The following ESRRG variants were observed in gnomAD, a reference collection of about 807,000 sequenced individuals.
ESRRG encodes the protein estrogen related receptor gamma.
In ESRRG, 13 loss-of-function variants were observed where a neutral mutation model predicts 44.0. The ratio of observed to expected loss-of-function variants is 0.30; its 90% CI spans 0.19 to 0.47. The LOEUF is 0.47. Among genes scored for constraint, ESRRG ranks in the 20% least tolerant of loss-of-function variants. The probability of loss-of-function intolerance (pLI) is 1.00; values close to 1 mark genes in which losing one functional copy is unlikely to be tolerated. For missense variants in ESRRG, 395 were observed against 580.6 expected (o/e 0.68, Z 3.29); for synonymous variants, 215 against 214.6 (o/e 1.00, Z -0.02).
At chr1:216,814,510 C>CATT (rs575264326) in intron 2 of ESRRG, among the ~76,000 whole-genome samples, 1 of 152,206 alleles carries the variant, frequency 6.6e-6, no homozygotes, top group South Asian at 2.1e-4. Flanking sequence ...AGACACAACT[C>CATT]ATTATTAATA....
In ESRRG at chr1:216,564,310, G is replaced by C. The variant is rs966328648; in HGVS notation, c.771C>G (p.Val257=). Residue 257 remains valine, a synonymous_variant, in exon 5 of 7, where the codon GTC becomes GTG. Transcript: ENST00000408911. Reference sequence around the variant, plus strand: ...TGAGGGCTTTGATGTCACTGTCGGGGACAGTAGGGTCAGGCATGGCATAGA... The same window carrying C: ...TGAGGGCTTTGATGTCACTGTCGGGCACAGTAGGGTCAGGCATGGCATAGA... The part of the protein sequence containing the change: ...EKIYAMPDPT[V]PDSDIKALTT... The C allele has an allele frequency of 9.9e-6, 16 of 1,611,984 alleles. No individual in the cohort carries two copies. The highest frequency in any genetic ancestry group is 1.7e-4 in the Middle Eastern group (1 of 6,048).
chr1:216,634,092 C>T (rs993576803), intron 3 of ESRRG, among the ~76,000 whole-genome samples: 3 of 152,164 alleles, frequency 2.0e-5, no homozygotes, highest in Non-Finnish European at 4.4e-5. Context: ...AAATTCACCT[C>T]ATAGATCTAC....
chr1:216,733,757 G>A (rs2089319237), intron 2 of ESRRG, among the ~76,000 whole-genome samples: 2 of 152,038 alleles, frequency 1.3e-5, no homozygotes, highest in African/African-American at 2.4e-5. Context: ...CTGGGAGCCT[G>A]AGGGGGGCGG....
intron 1 of ESRRG, among the ~76,000 whole-genome samples, chr1:217,085,397 C>T (rs1002323214): frequency 1.3e-5 from 2 of 151,034 alleles, no homozygotes; most frequent in Non-Finnish European, 2.9e-5. Context: ...CCAATACAAA[C>T]GTCGTATTAT....
At chr1:216,989,404 T>C (rs1254687735) in intron 1 of ESRRG, among the ~76,000 whole-genome samples, 3 of 141,832 alleles carry the variant, frequency 2.1e-5, no homozygotes, top group Non-Finnish European at 4.5e-5. Flanking sequence ...CTGCACTCTG[T>C]CTGCATGGTA....
At chr1:216,769,017 A>T (rs1000634754) in intron 2 of ESRRG, among the ~76,000 whole-genome samples, 1 of 152,110 alleles carries the variant, frequency 6.6e-6, no homozygotes, top group East Asian at 1.9e-4. Context: ...CAAATGCCTA[A>T]TGTATGTTAT....
At chr1:216,597,823 A>T (rs990475244) in intron 3 of ESRRG, among the ~76,000 whole-genome samples, 9 of 152,224 alleles carry the variant, frequency 5.9e-5, no homozygotes, top group Admixed American at 2.0e-4. Context: ...TGATGGATTT[A>T]AGGAGTGACG....
At chr1:216,629,357 A>G (rs1393139995) in intron 3 of ESRRG, among the ~76,000 whole-genome samples, 1 of 152,230 alleles carries the variant, frequency 6.6e-6, no homozygotes, top group East Asian at 1.9e-4. Flanking sequence ...TCTTAAGCAT[A>G]AAGTATAAAA....
At chr1:216,699,429 G>A (rs145003039) in intron 1 of ESRRG, among the ~76,000 whole-genome samples, 18 of 152,248 alleles carry the variant, frequency 1.2e-4, no homozygotes, top group African/African-American at 4.1e-4. Context: ...CTGCCGGCTG[G>A]TAATGATGGA....
chr1:216,601,200 C>G (rs1009902122), intron 3 of ESRRG, among the ~76,000 whole-genome samples: 120 of 152,188 alleles, frequency 7.9e-4, no homozygotes, highest in African/African-American at 2.8e-3. Context: ...TCTGCTCGCT[C>G]CATGGACAGC....
At chr1:216,994,324 G>A (rs1219690491) in intron 1 of ESRRG, among the ~76,000 whole-genome samples, 2 of 152,152 alleles carry the variant, frequency 1.3e-5, no homozygotes, top group Admixed American at 1.3e-4. Context: ...TCCCAGGTAT[G>A]CATTTTACAA....
chr1:216,781,690 CTT>C, intron 2 of ESRRG, among the ~76,000 whole-genome samples: 1 of 152,142 alleles, frequency 6.6e-6, no homozygotes, highest in Non-Finnish European at 1.5e-5. Flanking sequence ...ATGGTCCTCT[CTT>C]CACTTCTGTC....
chr1:216,508,102 A>T (rs985405611), intron 6 of ESRRG, among the ~76,000 whole-genome samples: 5 of 152,218 alleles, frequency 3.3e-5, no homozygotes, highest in Non-Finnish European at 7.3e-5. Flanking sequence ...ATGTTTAATA[A>T]TTCTAGTTCT....
chr1:216,775,592 T>A (rs932558654), intron 2 of ESRRG, among the ~76,000 whole-genome samples: 1 of 113,004 alleles, frequency 8.8e-6, no homozygotes, highest in Admixed American at 1.1e-4. Flanking sequence ...TTTTTTTTTT[T>A]AGACAGCGTC....
At chr1:216,793,879 A>G (rs569426453) in intron 2 of ESRRG, among the ~76,000 whole-genome samples, 5 of 152,242 alleles carry the variant, frequency 3.3e-5, no homozygotes, top group African/African-American at 1.2e-4. Flanking sequence ...TTTCTGAATG[A>G]ATGATCCTCT....
chr1:216,630,157 G>A (rs1458973206), intron 3 of ESRRG, among the ~76,000 whole-genome samples: 2 of 152,100 alleles, frequency 1.3e-5, no homozygotes, highest in African/African-American at 2.4e-5. Flanking sequence ...ATAAATACTA[G>A]GGGAAGTGCT....
At chr1:216,705,168 A>G (rs572149533) in intron 1 of ESRRG, among the ~76,000 whole-genome samples, 81 of 152,274 alleles carry the variant, frequency 5.3e-4, no homozygotes, top group African/African-American at 1.9e-3. Flanking sequence ...TAGGCACAAA[A>G]CACACAGTTA....
intron 2 of ESRRG, among the ~76,000 whole-genome samples, chr1:216,908,797 T>TGTGCCGTAGGA (rs1560068245): frequency 4.0e-5 from 6 of 150,192 alleles, no homozygotes; most frequent in African/African-American, 7.4e-5. Flanking sequence ...ACTCCCTAGG[T>TGTGCCGTAGGA]ACAAGGCAAT....
Position 216,506,271 on chromosome 1 carries a change from T to G in ESRRG, c.*668A>C, listed in dbSNP as rs940960415. The G allele has an allele frequency of 5.3e-6, 1 of 190,214 alleles. No homozygotes were observed. Among genetic ancestry groups the G allele is most frequent in the African/African-American group, 2.4e-5 (1 of 42,222 alleles). The allele number at this position is 190,214 out of a possible 1,614,324, so 11.8% of individuals were successfully genotyped here. A position where few individuals can be genotyped will look rare whatever the true frequency, so the allele number is the denominator to read the frequency against. On this transcript the variant is annotated 3_prime_UTR_variant, in exon 7 of 7. Transcript: ENST00000408911. The stretch of plus-strand genomic sequence containing the variant: ...ACTGTACTTTTAGGAACGTTGGTTC[T>G]CTCTCTTTGATTCCTTAGTCATTGG...
Sources: allele counts gnomAD v4.1 joint callset (sites outside exome capture counted in the v4.1 genomes callset), GRCh38; gene constraint gnomAD v4.1.1; transcripts MANE v1.5; gene names NCBI Gene and HGNC (gene_info 2026-07-23, HGNC 2026-07-21).